The following DMD variants were observed in gnomAD, a reference collection of about 807,000 sequenced individuals.
The protein encoded by DMD is mutant dystrophin.
In DMD, 63 loss-of-function variants were observed where a neutral mutation model predicts 330.1. The ratio of observed to expected loss-of-function variants is 0.19; its 90% CI spans 0.16 to 0.24. The LOEUF is 0.24. DMD is among the 10% of genes least tolerant of loss of function. The probability of loss-of-function intolerance (pLI) is 1.00; values close to 1 mark genes in which losing one functional copy is unlikely to be tolerated. For synonymous variants in DMD, 1,223 were observed against 959.8 expected, an observed-to-expected ratio of 1.27 and a Z score of -5.07; for missense variants, 3,344 against 2,684.1, an observed-to-expected ratio of 1.25 and a Z score of -5.43.
intron 7 of DMD, among the ~76,000 whole-genome samples, chrX:32,717,599 T>C (rs1478886027): frequency 7.2e-5 from 8 of 111,701 alleles, no homozygotes; most frequent in Non-Finnish European, 1.5e-4. Flanking sequence ...GTTAGAGCTC[T>C]CACACAGAGT....
At chrX:33,033,484 G>C (rs112494189) in intron 1 of DMD, among the ~76,000 whole-genome samples, 10,620 of 105,431 alleles carry the variant, frequency 0.1, 641 homozygotes, top group East Asian at 0.43. Context: ...GCCGAGGTGG[G>C]CGGATCACAA....
At chrX:31,530,647 C>CTTTTTTTTTTTTTTTTTTTTTAGTTTTTT (rs2073678188) in intron 55 of DMD, among the ~76,000 whole-genome samples, 1 of 49,847 alleles carries the variant, frequency 2.0e-5, no homozygotes, top group African/African-American at 7.8e-5. Context: ...ACTGGTTTCT[C>CTTTTTTTTTTTTTTTTTTTTTAGTTTTTT]TTTTTTTTTT....
At chrX:32,698,686 A>T (rs2063841421) in intron 8 of DMD, among the ~76,000 whole-genome samples, 1 of 112,062 alleles carries the variant, frequency 8.9e-6, no homozygotes, top group African/African-American at 3.2e-5. Flanking sequence ...GAATAATCAA[A>T]ATCTGACTTT....
chrX:33,129,325 C>CATTTTT (rs2095483772), intron 1 of DMD, among the ~76,000 whole-genome samples: 1 of 30,715 alleles, frequency 3.3e-5, no homozygotes, highest in Non-Finnish European at 5.2e-5. Flanking sequence ...TTAAGGTTTG[C>CATTTTT]TTTTTTTTTT....
At chrX:31,368,201 C>G (rs12834302) in intron 60 of DMD, among the ~76,000 whole-genome samples, 10,100 of 112,159 alleles carry the variant, frequency 0.09, 409 homozygotes, top group African/African-American at 0.16. Flanking sequence ...AGTGCTTTGG[C>G]AGCAATTCTC....
chrX:32,573,505 C>G (rs762738359), intron 15 of DMD, 25 bp downstream of exon 15: 12 of 1,130,892 alleles, frequency 1.1e-5, no homozygotes, highest in Non-Finnish European at 1.5e-5. Context: ...TTTTATAAGA[C>G]CATTGAAAGC....
chrX:32,031,383 T>A (rs974860244), intron 44 of DMD, among the ~76,000 whole-genome samples: 21 of 111,395 alleles, frequency 1.9e-4, no homozygotes, highest in Admixed American at 2.9e-4. Flanking sequence ...TTACTGTAGA[T>A]TGCACTGGTT....
chrX:31,669,333 G>A (rs770795693), intron 53 of DMD, among the ~76,000 whole-genome samples: 42 of 111,955 alleles, frequency 3.8e-4, no homozygotes, highest in Non-Finnish European at 7.5e-4. Context: ...ATCTCACTGC[G>A]ATTGTAATAT....
At chrX:32,448,374 G>T (rs1391723607) in intron 27 of DMD, 82 bp downstream of exon 27, 44 of 1,080,789 alleles carry the variant, frequency 4.1e-5, no homozygotes, top group Non-Finnish European at 5.5e-5. Flanking sequence ...TTTTGCACTG[G>T]TATCCATGTT....
chrX:32,962,842 T>TAGAGG (rs2091957536), intron 2 of DMD, among the ~76,000 whole-genome samples: 1 of 111,541 alleles, frequency 9.0e-6, no homozygotes, highest in Admixed American at 9.5e-5. Flanking sequence ...AAAGTAGCAC[T>TAGAGG]AGAGGACAAA....
chrX:33,132,691 G>A (rs916898121), intron 1 of DMD, among the ~76,000 whole-genome samples: 1 of 112,510 alleles, frequency 8.9e-6, no homozygotes, highest in Non-Finnish European at 1.9e-5. Flanking sequence ...AAATAGCTTG[G>A]CAACATGCCA....
chrX:32,835,296 G>A (rs1394183680), intron 4 of DMD, among the ~76,000 whole-genome samples: 1 of 111,878 alleles, frequency 8.9e-6, no homozygotes, highest in Non-Finnish European at 1.9e-5. Context: ...GCTGGGATTT[G>A]CTTTACCTTC....
intron 2 of DMD, among the ~76,000 whole-genome samples, chrX:32,878,215 T>TA (rs2083536426): frequency 9.1e-6 from 1 of 110,392 alleles, no homozygotes; most frequent in Non-Finnish European, 1.9e-5. Flanking sequence ...CTCTCTCTAA[T>TA]AAAAAGACAA....
chrX:32,931,285 C>T (rs1018912264), intron 2 of DMD, among the ~76,000 whole-genome samples: 3 of 110,575 alleles, frequency 2.7e-5, no homozygotes, highest in Non-Finnish European at 3.8e-5. Context: ...CCTAAATTTA[C>T]GATAGTCAGG....
At chrX:33,222,024 C>G (rs1350439171) in intron 1 of DMD, among the ~76,000 whole-genome samples, 2 of 111,650 alleles carry the variant, frequency 1.8e-5, no homozygotes, top group Non-Finnish European at 3.8e-5. Flanking sequence ...TTTTCCAGAA[C>G]ATGGAAGGGA....
intron 9 of DMD, among the ~76,000 whole-genome samples, chrX:32,684,500 GATT>G (rs1299186870): frequency 1.8e-5 from 2 of 110,980 alleles, no homozygotes; most frequent in African/African-American, 6.5e-5. Context: ...TCATTTACCA[GATT>G]ATTACTCCTA....
chrX:31,364,347 G>T (rs763136614), intron 60 of DMD, among the ~76,000 whole-genome samples: 8 of 112,169 alleles, frequency 7.1e-5, no homozygotes, highest in South Asian at 3.8e-4. Context: ...TACTTGACCA[G>T]TCTTTAAGCT....
chrX:32,652,922 G>A (rs2060271386), intron 9 of DMD, among the ~76,000 whole-genome samples: 2 of 112,119 alleles, frequency 1.8e-5, no homozygotes, highest in Admixed American at 9.5e-5. Flanking sequence ...GTGATGATGA[G>A]CATTTTTTTC....
rs184727642 is a variant in DMD, at chrX:31,304,725, C to G, written c.9224+18873G>C. Among the ~76,000 whole-genome samples, 9 of 110,536 alleles carry G rather than the reference C, an allele frequency of 8.1e-5. 1 individual carries two copies. In the South Asian group the frequency reaches 3.4e-3, roughly 42 times the overall value. On this transcript the variant is annotated intron_variant, in intron 62 of 78. Coordinates refer to ENST00000357033, the MANE Select transcript of DMD (RefSeq NM_004006.3). ...ATTAATACATTTGCCTTTTGCAAAACAGAAACTAGCTCGATATTGTGAAGT... is the reference window on the plus strand; with the variant it reads ...ATTAATACATTTGCCTTTTGCAAAAGAGAAACTAGCTCGATATTGTGAAGT...
Sources: allele counts gnomAD v4.1 joint callset (sites outside exome capture counted in the v4.1 genomes callset), GRCh38; gene constraint gnomAD v4.1.1; transcripts MANE v1.5; gene names NCBI Gene and HGNC (gene_info 2026-07-23, HGNC 2026-07-21).